The following ADAT1 variants were observed in gnomAD, a reference collection of about 807,000 sequenced individuals.
ADAT1 encodes the protein adenosine deaminase tRNA specific 1.
In ADAT1, 58 loss-of-function variants were observed where a neutral mutation model predicts 58.6. The observed-to-expected ratio is 0.99, with a 90% CI of 0.80 to 1.23. The LOEUF is 1.23. Ranked by LOEUF, ADAT1 falls within the 50% of genes most tolerant of loss-of-function variation. The probability of loss-of-function intolerance (pLI) is 0.00; values close to 1 mark genes in which losing one functional copy is unlikely to be tolerated. For synonymous variants in ADAT1, 254 were observed against 220.8 expected (o/e 1.15, Z -1.33); for missense variants, 741 against 608.6 (o/e 1.22, Z -2.29).
chr16:75,605,519 C>G (rs1419210183), intron 8 of ADAT1, among the ~76,000 whole-genome samples: 7 of 152,068 alleles, frequency 4.6e-5, no homozygotes, highest in Admixed American at 3.9e-4. Flanking sequence ...CAACAATAGG[C>G]TTGATGTTTT....
intron 4 of ADAT1, 35 bp downstream of exon 4, chr16:75,618,551 T>A: frequency 7.0e-7 from 1 of 1,431,524 alleles, no homozygotes; most frequent in Non-Finnish European, 9.5e-7. Flanking sequence ...CCCACCCCAG[T>A]CCTGCTGAAC....
intron 4 of ADAT1, among the ~76,000 whole-genome samples, chr16:75,618,225 G>A (rs997304842): frequency 6.6e-5 from 10 of 151,832 alleles, no homozygotes; most frequent in Non-Finnish European, 1.3e-4. Context: ...GTAAATTCTG[G>A]GTGAGGCGCG....
In ADAT1 at chr16:75,612,420, C is replaced by A. The variant is rs748560978; in HGVS notation, c.866G>T (p.Gly289Val). 3 of 1,614,138 alleles carry A rather than the reference C, an allele frequency of 1.9e-6. No homozygotes were observed. The African/African-American group carries it at 4.0e-5, about 22-fold the overall frequency. Reference sequence around the variant, plus strand: ...CATGGAGCGTGTTCTGTCTCCACGGCCTGGCTTCACTCGGAGCAGCCCCAC... The same window carrying A: ...CATGGAGCGTGTTCTGTCTCCACGGACTGGCTTCACTCGGAGCAGCCCCAC... ...HQVGLLRVKPGRGDRTRSMSC... is the reference protein window; with the variant it reads ...HQVGLLRVKPVRGDRTRSMSC... Residue 289 changes from glycine to valine, a missense_variant, in exon 6 of 10, where the codon GGC (glycine) becomes GTC (valine). Gly to Val is a moderately radical substitution (Grantham distance 109, BLOSUM62 -3). Coordinates refer to ENST00000564657, the MANE Select transcript of ADAT1 (RefSeq NM_001324445.2).
In ADAT1 at chr16:75,612,865, C is replaced by A; in HGVS notation, c.425-4G>T. The A allele has an allele frequency of 1.2e-6, 2 of 1,612,258 alleles. No individual in the cohort carries two copies. The highest frequency in any genetic ancestry group is 1.1e-5 in the South Asian group (1 of 90,876). Reference sequence around the variant, plus strand: ...GGAATGATGGAGGCATCCCCACCTGCAGAGAATGAACCCACTTAAACAAAT... The same window carrying A: ...GGAATGATGGAGGCATCCCCACCTGAAGAGAATGAACCCACTTAAACAAAT... On this transcript the variant is annotated splice_region_variant and splice_polypyrimidine_tract_variant and intron_variant, in intron 5 of 9. Coordinates refer to ENST00000564657, the MANE Select transcript of ADAT1 (RefSeq NM_001324445.2).
chr16:75,604,454 A>AT (rs1409125275), intron 8 of ADAT1, among the ~76,000 whole-genome samples: 39 of 71,334 alleles, frequency 5.5e-4, no homozygotes, highest in African/African-American at 5.5e-4. Context: ...AAAAAAAAAA[A>AT]AAATATATAT....
chr16:75,620,886 T>C, intron 1 of ADAT1, 66 bp from the exon 2 acceptor site: 2 of 1,370,524 alleles, frequency 1.5e-6, no homozygotes, highest in South Asian at 1.4e-5. Context: ...CTACAGCCTC[T>C]CATATCCATG....
rs1349013343 is a variant in ADAT1 at position 75,598,602 on chromosome 16, T to G, written c.*1614A>C. On this transcript the variant is annotated 3_prime_UTR_variant, in exon 10 of 10. Coordinates refer to ENST00000564657, the MANE Select transcript of ADAT1 (RefSeq NM_001324445.2). ...GGCATGATCTTGACTCACTGCAACC[T>G]CCGCCTCCCAGGTTCAAGTGATTCT... Among the ~76,000 whole-genome samples the G allele has an allele frequency of 6.6e-6, 1 of 150,812 alleles. No individual in the cohort carries two copies. The highest frequency in any genetic ancestry group is 1.5e-5 in the Non-Finnish European group (1 of 67,812).
Position 75,600,214 on chromosome 16 carries a change from T to C in ADAT1, c.*2A>G. The C allele has an allele frequency of 6.2e-7, 1 of 1,614,098 alleles. No individual in the cohort carries two copies. Among genetic ancestry groups the C allele is most frequent in the Non-Finnish European group, 8.5e-7 (1 of 1,179,944 alleles). ...CCTGCTACCAGAGCAAACATTTCCTTCTCACTTGAACTGGTGATAATCCGG... is the reference window on the plus strand; with the variant it reads ...CCTGCTACCAGAGCAAACATTTCCTCCTCACTTGAACTGGTGATAATCCGG... On this transcript the variant is annotated 3_prime_UTR_variant, in exon 10 of 10. Coordinates refer to ENST00000564657, the MANE Select transcript of ADAT1 (RefSeq NM_001324445.2).
In ADAT1 at chr16:75,599,616, G is replaced by A; in HGVS notation, c.*600C>T. On this transcript the variant is annotated 3_prime_UTR_variant, in exon 10 of 10. Transcript: ENST00000564657. ...GTCCCATGATTATGTGACCCTTACA[G>A]CTCCAGATCAAAACAGAAAGCCTTT... 1.0e-6 allele frequency: 1 copy of A among 985,898 alleles called. No individual in the cohort carries two copies. Among genetic ancestry groups the A allele is most frequent in the South Asian group, 4.7e-5 (1 of 21,288 alleles). 61.1% of individuals were successfully genotyped at this position (985,898 alleles called of 1,614,324 possible). A position where few individuals can be genotyped will look rare whatever the true frequency, so the allele number is the denominator to read the frequency against.
At chr16:75,617,567 G>A (rs1296228610) in intron 4 of ADAT1, among the ~76,000 whole-genome samples, 1 of 151,854 alleles carries the variant, frequency 6.6e-6, no homozygotes, top group Non-Finnish European at 1.5e-5. Flanking sequence ...CCAGGAGTTT[G>A]AGGCTGTAGT....
At position 75,597,728 on chromosome 16, in the gene ADAT1, T is replaced by A. The variant is rs2081109598; in HGVS notation, c.*2488A>T. ...GGTTATGGAAGACACTGACAGATCA[T>A]CAGGCATTATATTCTCATAAGGAGT... is the stretch of plus-strand genomic sequence containing the variant. On this transcript the variant is annotated 3_prime_UTR_variant, in exon 10 of 10. Coordinates refer to ENST00000564657, the MANE Select transcript of ADAT1 (RefSeq NM_001324445.2). Among the ~76,000 whole-genome samples the A allele has an allele frequency of 6.6e-6, 1 of 152,222 alleles. No homozygotes were observed. Among genetic ancestry groups the A allele is most frequent in the Non-Finnish European group, 1.5e-5 (1 of 68,028 alleles).
At chr16:75,605,672 A>G in intron 8 of ADAT1, among the ~76,000 whole-genome samples, 1 of 151,946 alleles carries the variant, frequency 6.6e-6, no homozygotes, top group East Asian at 1.9e-4. Context: ...GTGGTGGCTT[A>G]TATCTGTAAT....
chr16:75,614,402 T>C (rs1308858336), intron 5 of ADAT1, among the ~76,000 whole-genome samples: 2 of 152,212 alleles, frequency 1.3e-5, no homozygotes, highest in Non-Finnish European at 2.9e-5. Flanking sequence ...TAGAGGTCAG[T>C]AAGAACCACA....
At chr16:75,606,243 C>G in intron 8 of ADAT1, among the ~76,000 whole-genome samples, 1 of 152,094 alleles carries the variant, frequency 6.6e-6, no homozygotes, top group Non-Finnish European at 1.5e-5. Flanking sequence ...TTAATTGCAA[C>G]AGTAATAACC....
rs932251174 is a variant in ADAT1 at position 75,599,414 on chromosome 16, T to C, written c.*802A>G. On this transcript the variant is annotated 3_prime_UTR_variant, in exon 10 of 10. Coordinates refer to ENST00000564657, the MANE Select transcript of ADAT1 (RefSeq NM_001324445.2). ...GGCTTTTTGGACAGAACTCTTTCAA[T>C]TGTAAGTCAGAAAACCAACACAAAC... The C allele has an allele frequency of 6.1e-6, 6 of 985,662 alleles. No individual in the cohort carries two copies. The highest frequency in any genetic ancestry group is 4.7e-5 in the South Asian group (1 of 21,280). The allele number at this position is 985,662 out of a possible 1,614,324, so 61.1% of individuals were successfully genotyped here.
At chr16:75,615,495 A>T (rs1289921485) in intron 5 of ADAT1, among the ~76,000 whole-genome samples, 6 of 113,974 alleles carry the variant, frequency 5.3e-5, no homozygotes, top group East Asian at 2.7e-3. Context: ...AAAAAAAAAA[A>T]AAAAAAAAAA....
intron 4 of ADAT1, among the ~76,000 whole-genome samples, chr16:75,617,639 C>CT (rs947100588): frequency 3.8e-4 from 52 of 138,334 alleles, no homozygotes; most frequent in South Asian, 6.9e-4. Flanking sequence ...ATTTTTGTTT[C>CT]TTTTTTTTTT....
chr16:75,603,128 G>C lies in ADAT1; in HGVS notation c.1333C>G (p.Leu445Val). ...KVELFRSFQKLLSRIARDKWP... is the reference protein window; with the variant it reads ...KVELFRSFQKVLSRIARDKWP... Reference sequence around the variant, plus strand: ...TTGTCCCTTGCAATTCTGCTTAGCAGCTTCTGGAATGATCTGAAGAGTTCC... The same window carrying C: ...TTGTCCCTTGCAATTCTGCTTAGCACCTTCTGGAATGATCTGAAGAGTTCC... The change falls in exon 9 of 10, where the codon CTG (leucine) becomes GTG (valine). Residue 445 changes from leucine to valine, a missense_variant. Leu to Val is a conservative substitution (Grantham distance 32). Coordinates refer to ENST00000564657, the MANE Select transcript of ADAT1 (RefSeq NM_001324445.2). 1 of 1,614,132 alleles carries C rather than the reference G, an allele frequency of 6.2e-7. No homozygotes were observed. Among genetic ancestry groups the C allele is most frequent in the African/African-American group, 1.3e-5 (1 of 75,048 alleles).
At chr16:75,612,172 T>C (rs1402951024) in intron 6 of ADAT1, 71 bp downstream of exon 6, 2 of 1,506,628 alleles carry the variant, frequency 1.3e-6, no homozygotes, top group Non-Finnish European at 1.8e-6. Context: ...AGATTCTTAA[T>C]GCTCTTAGGC....
Sources: allele counts gnomAD v4.1 joint callset (sites outside exome capture counted in the v4.1 genomes callset), GRCh38; gene constraint gnomAD v4.1.1; transcripts MANE v1.5; gene names NCBI Gene and HGNC (gene_info 2026-07-23, HGNC 2026-07-21).